Variants in FAT3 observed in about 807,000 individuals in gnomAD.
FAT3 encodes the protein protocadherin Fat 3.
FAT3 carries 95 observed loss-of-function variants against 310.2 expected under a neutral mutation model. The observed-to-expected ratio is 0.31, with a 90% CI of 0.26 to 0.36. FAT3 has a LOEUF of 0.36. Among genes scored for constraint, FAT3 ranks in the 10% least tolerant of loss-of-function variants. The probability of loss-of-function intolerance (pLI) is 1.00; values close to 1 mark genes in which losing one functional copy is unlikely to be tolerated. For synonymous variants in FAT3, 2,314 were observed against 2,192.9 expected, an observed-to-expected ratio of 1.06 and a Z score of -1.54; for missense variants, 5,408 against 5,715.6, an observed-to-expected ratio of 0.95 and a Z score of 1.74.
At chr11:92,303,970 A>T (rs1565213019) in intron 1 of FAT3, among the ~76,000 whole-genome samples, 1 of 152,172 alleles carries the variant, frequency 6.6e-6, no homozygotes, top group Non-Finnish European at 1.5e-5. Flanking sequence ...TTGATGGCCC[A>T]TGAGATTTGA....
At chr11:92,518,389 A>T (rs1305692093) in intron 2 of FAT3, among the ~76,000 whole-genome samples, 1 of 152,150 alleles carries the variant, frequency 6.6e-6, no homozygotes, top group African/African-American at 2.4e-5. Flanking sequence ...GGAAACCATC[A>T]TTCTCAGCAA....
intron 1 of FAT3, among the ~76,000 whole-genome samples, chr11:92,291,355 A>C (rs963427233): frequency 1.3e-5 from 2 of 152,242 alleles, no homozygotes; most frequent in Non-Finnish European, 2.9e-5. Flanking sequence ...GTACTCATGA[A>C]ATCAAGCCCA....
At position 92,432,775 on chromosome 11, in the gene FAT3, T is replaced by G. The variant is rs544786325; in HGVS notation, c.3292+77371T>G. 4.6e-5 allele frequency among the ~76,000 whole-genome samples: 7 copies of G among 152,304 alleles called. 1 individual carries two copies. The South Asian group carries it at 1.5e-3, about 32-fold the overall frequency. ...AGCTCGAGCACTGTGCTGGGAGATC[T>G]GCTGCCCTCTTCAGAGCCGGTAGGG... is the stretch of plus-strand genomic sequence containing the variant. On this transcript the variant is annotated intron_variant, in intron 2 of 27. Transcript: ENST00000525166.
chr11:92,772,872 G>A (rs1946494101), intron 6 of FAT3, among the ~76,000 whole-genome samples: 1 of 151,872 alleles, frequency 6.6e-6, no homozygotes, highest in Non-Finnish European at 1.5e-5. Context: ...TCCCTTAACT[G>A]ACTATTCGTA....
At chr11:92,351,197 C>T (rs1167473770) in intron 1 of FAT3, among the ~76,000 whole-genome samples, 1 of 152,154 alleles carries the variant, frequency 6.6e-6, no homozygotes, top group Non-Finnish European at 1.5e-5. Context: ...TCACTCCAGT[C>T]ATATAACTCC....
intron 1 of FAT3, among the ~76,000 whole-genome samples, chr11:92,236,556 C>T (rs1172452157): frequency 6.6e-6 from 1 of 152,152 alleles, no homozygotes; most frequent in Admixed American, 6.5e-5. Flanking sequence ...GTCTTTTAGA[C>T]ACTTTGTTAT....
intron 2 of FAT3, chr11:92,366,470 G>A (rs1949025653): frequency 4.8e-6 from 2 of 416,740 alleles, no homozygotes; most frequent in Non-Finnish European, 9.5e-6. Flanking sequence ...GGGTGCTCCT[G>A]GGGACAGTAG....
intron 1 of FAT3, among the ~76,000 whole-genome samples, chr11:92,247,885 C>G (rs747458409): frequency 6.6e-6 from 1 of 151,946 alleles, no homozygotes; most frequent in African/African-American, 2.4e-5. Context: ...TAGAGAATCC[C>G]TTGAGTCCAG....
At chr11:92,598,770 C>G (rs537124885) in intron 3 of FAT3, among the ~76,000 whole-genome samples, 12 of 152,246 alleles carry the variant, frequency 7.9e-5, no homozygotes, top group African/African-American at 2.9e-4. Context: ...TATTTACTAA[C>G]TGGATATCAT....
chr11:92,495,624 T>A (rs1386867914), intron 2 of FAT3, among the ~76,000 whole-genome samples: 8 of 152,150 alleles, frequency 5.3e-5, no homozygotes, highest in Admixed American at 3.3e-4. Flanking sequence ...GCTGTTTCAA[T>A]CATTGACACA....
chr11:92,341,278 C>T (rs1948254509), intron 1 of FAT3, among the ~76,000 whole-genome samples: 1 of 152,176 alleles, frequency 6.6e-6, no homozygotes, highest in Admixed American at 6.5e-5. Context: ...TCTGCAGCCT[C>T]GGGCTCTTTA....
At chr11:92,834,350 G>T (rs1329634245) in intron 14 of FAT3, among the ~76,000 whole-genome samples, 7 of 152,104 alleles carry the variant, frequency 4.6e-5, no homozygotes, top group Non-Finnish European at 5.9e-5. Flanking sequence ...TGAGATCTTT[G>T]CCCTCTTTGT....
At chr11:92,341,943 G>A (rs1164961772) in intron 1 of FAT3, among the ~76,000 whole-genome samples, 1 of 152,088 alleles carries the variant, frequency 6.6e-6, no homozygotes, top group Non-Finnish European at 1.5e-5. Context: ...AGAGCTGAGT[G>A]TGTATCACTC....
At chr11:92,593,339 A>G (rs1196306967) in intron 3 of FAT3, among the ~76,000 whole-genome samples, 1 of 152,078 alleles carries the variant, frequency 6.6e-6, no homozygotes, top group African/African-American at 2.4e-5. Flanking sequence ...TTTCTGGATC[A>G]TATGGTAATT....
At chr11:92,697,263 G>T in intron 3 of FAT3, 121 bp from the exon 4 acceptor site, 2 of 694,488 alleles carry the variant, frequency 2.9e-6, no homozygotes, top group Non-Finnish European at 2.5e-6. Flanking sequence ...TTGTCATGGG[G>T]GATTGGAAAG....
At position 92,844,529 on chromosome 11, in the gene FAT3, A is replaced by T. The variant is rs2136291876; in HGVS notation, c.11162A>T (p.Lys3721Met). 1 of 1,614,036 alleles carries T rather than the reference A, an allele frequency of 6.2e-7. No homozygotes were observed. Among genetic ancestry groups the T allele is most frequent in the African/African-American group, 1.3e-5 (1 of 75,072 alleles). Residue 3721 changes from lysine (K) to methionine (M), a missense_variant, in exon 19 of 28, where the codon AAG (lysine) becomes ATG (methionine). Lys to Met is a moderately conservative substitution (Grantham distance 95). Coordinates refer to ENST00000525166, the MANE Select transcript of FAT3 (RefSeq NM_001367949.2). ...EFYKPAYLIQ[K>M]LSNARRHLEN... is the part of the protein sequence containing the mutation. ...TACAAGCCAGCCTACCTGATCCAGAAGCTGTCCAATGCTAGAAGACACCTG... is the reference window on the plus strand; with the variant it reads ...TACAAGCCAGCCTACCTGATCCAGATGCTGTCCAATGCTAGAAGACACCTG...
At chr11:92,654,138 A>G (rs1942487394) in intron 3 of FAT3, among the ~76,000 whole-genome samples, 1 of 152,232 alleles carries the variant, frequency 6.6e-6, no homozygotes, top group Non-Finnish European at 1.5e-5. Flanking sequence ...CCGCTGCAGC[A>G]TTCAGGAGAT....
At chr11:92,322,995 ATTTAC>A (rs1947663619) in intron 1 of FAT3, among the ~76,000 whole-genome samples, 1 of 152,220 alleles carries the variant, frequency 6.6e-6, no homozygotes, top group East Asian at 1.9e-4. Flanking sequence ...AAATGTTTCA[ATTTAC>A]TTTACCAGAT....
rs140734233 is a variant in FAT3 at position 92,673,922 on chromosome 11, T to C, written c.3608-23462T>C. On this transcript the variant is annotated intron_variant, in intron 3 of 27. Coordinates refer to ENST00000525166, the MANE Select transcript of FAT3 (RefSeq NM_001367949.2). Reference sequence around the variant, plus strand: ...TGGGCCAGGTATGGTGGTTCATGCCTATAATCCTAGCATTTTGGAAGGCCA... The same window carrying C: ...TGGGCCAGGTATGGTGGTTCATGCCCATAATCCTAGCATTTTGGAAGGCCA... Among the ~76,000 whole-genome samples the C allele has an allele frequency of 5.4e-3, 823 of 152,210 alleles. 8 individuals carry two copies. Among genetic ancestry groups the C allele is most frequent in the Non-Finnish European group, 6.4e-3 (435 of 68,006 alleles).
Sources: allele counts gnomAD v4.1 joint callset (sites outside exome capture counted in the v4.1 genomes callset), GRCh38; gene constraint gnomAD v4.1.1; transcripts MANE v1.5; gene names NCBI Gene and HGNC (gene_info 2026-07-23, HGNC 2026-07-21).